The following MTUS2 variants were observed in gnomAD, a reference collection of about 807,000 sequenced individuals.
MTUS2 encodes microtubule associated scaffold protein 2.
In MTUS2, 40 loss-of-function variants were observed where a neutral mutation model predicts 114.1. The ratio of observed to expected loss-of-function variants is 0.35; its 90% CI spans 0.27 to 0.46. MTUS2 has a LOEUF of 0.46. Among genes scored for constraint, MTUS2 ranks in the 20% least tolerant of loss-of-function variants. The pLI, the probability that MTUS2 is intolerant of heterozygous loss-of-function variation, is 1.00. For missense variants in MTUS2, 1,679 were observed against 1,705.4 expected (o/e 0.98, Z 0.27); for synonymous variants, 688 against 672.0 (o/e 1.02, Z -0.37).
intron 8 of MTUS2, chr13:29,429,001 G>A (rs957640609): frequency 1.8e-6 from 2 of 1,135,470 alleles, no homozygotes; most frequent in African/African-American, 1.5e-5. Context: ...ATGCGTGTGC[G>A]CTTTGTTGGT....
chr13:29,366,226 A>G (rs534828592), intron 8 of MTUS2, among the ~76,000 whole-genome samples: 1 of 152,212 alleles, frequency 6.6e-6, no homozygotes, highest in Non-Finnish European at 1.5e-5. Context: ...AAGGCCTCAC[A>G]ATCATGGCAG....
At chr13:28,839,222 T>C (rs1250439147) in intron 1 of MTUS2, among the ~76,000 whole-genome samples, 2 of 152,184 alleles carry the variant, frequency 1.3e-5, no homozygotes, top group African/African-American at 2.4e-5. Context: ...ATTTTTTGAA[T>C]TGAAATTTTC....
At chr13:28,851,870 G>GGT (rs1876298982) in intron 2 of MTUS2, among the ~76,000 whole-genome samples, 1 of 152,254 alleles carries the variant, frequency 6.6e-6, no homozygotes, top group South Asian at 2.1e-4. Context: ...TGGCATTGTA[G>GGT]GTGTGTGCTG....
intron 8 of MTUS2, among the ~76,000 whole-genome samples, chr13:29,434,427 A>G (rs1160555409): frequency 6.6e-6 from 1 of 152,190 alleles, no homozygotes; most frequent in Non-Finnish European, 1.5e-5. Flanking sequence ...GTAATTGTTC[A>G]TCCATTTACT....
At chr13:29,387,765 G>A (rs760895116) in intron 8 of MTUS2, among the ~76,000 whole-genome samples, 15 of 152,148 alleles carry the variant, frequency 9.9e-5, no homozygotes, top group Non-Finnish European at 2.1e-4. Flanking sequence ...GGGAGACCTT[G>A]GCTTCAGATT....
chr13:28,990,992 C>T (rs1251737250), intron 2 of MTUS2, among the ~76,000 whole-genome samples: 2 of 152,104 alleles, frequency 1.3e-5, no homozygotes, highest in Non-Finnish European at 2.9e-5. Context: ...TTGAAGTCAG[C>T]GAGACCAACA....
intron 4 of MTUS2, among the ~76,000 whole-genome samples, chr13:29,071,224 A>C (rs1248532275): frequency 6.8e-6 from 1 of 147,164 alleles, no homozygotes; most frequent in Non-Finnish European, 1.5e-5. Context: ...CTGGTCTCCA[A>C]CTCCTGACCT....
intron 4 of MTUS2, among the ~76,000 whole-genome samples, chr13:29,074,936 G>A (rs1205204022): frequency 6.6e-6 from 1 of 152,038 alleles, no homozygotes; most frequent in African/African-American, 2.4e-5. Flanking sequence ...ACAGAGTTGT[G>A]CAACCATCAC....
At chr13:29,500,778 C>T (rs961093284) in intron 14 of MTUS2, among the ~76,000 whole-genome samples, 7 of 144,398 alleles carry the variant, frequency 4.8e-5, no homozygotes, top group African/African-American at 1.8e-4. Context: ...ATAAGAAATA[C>T]ATTTTACATC....
chr13:28,835,251 C>T (rs1874993651), intron 1 of MTUS2, among the ~76,000 whole-genome samples: 1 of 152,100 alleles, frequency 6.6e-6, no homozygotes, highest in Non-Finnish European at 1.5e-5. Context: ...TGGAAACAAT[C>T]CAAATGTCCA....
At chr13:29,454,371 T>C (rs998229561) in intron 9 of MTUS2, among the ~76,000 whole-genome samples, 1 of 152,230 alleles carries the variant, frequency 6.6e-6, no homozygotes, top group Non-Finnish European at 1.5e-5. Context: ...CCTTAGTGGA[T>C]TCCCTGTGGT....
rs146850808 is a variant in MTUS2, at chr13:29,119,662, C to A, written c.2644+18692C>A. Among the ~76,000 whole-genome samples the A allele has an allele frequency of 2.0e-5, 3 of 152,266 alleles. No homozygotes were observed. In the East Asian group the frequency reaches 5.8e-4, roughly 29 times the overall value. ...GAGTACTGAGGGCAGGAGAAGATCC[C>A]TGTTCTAGTTCAAGTAGTCAGGGAA... On this transcript the variant is annotated intron_variant, in intron 5 of 15. Coordinates refer to ENST00000612955, the MANE Select transcript of MTUS2 (RefSeq NM_001033602.4).
At chr13:28,878,222 T>C (rs1878066185) in intron 2 of MTUS2, among the ~76,000 whole-genome samples, 1 of 150,158 alleles carries the variant, frequency 6.7e-6, no homozygotes, top group African/African-American at 2.5e-5. Context: ...TATATATATG[T>C]GTGTGTGTGT....
intron 5 of MTUS2, among the ~76,000 whole-genome samples, chr13:29,180,945 A>G (rs1893976872): frequency 6.6e-6 from 1 of 152,240 alleles, no homozygotes; most frequent in Admixed American, 6.5e-5. Flanking sequence ...AAACAACTGT[A>G]TGTCCATTTG....
chr13:29,139,637 T>C (rs1209483214), intron 5 of MTUS2, among the ~76,000 whole-genome samples: 1 of 152,148 alleles, frequency 6.6e-6, no homozygotes, highest in Non-Finnish European at 1.5e-5. Context: ...CACTCTACGG[T>C]TTGGTCTTTG....
intron 4 of MTUS2, among the ~76,000 whole-genome samples, chr13:29,093,977 A>G (rs889747225): frequency 2.0e-5 from 3 of 152,182 alleles, no homozygotes; most frequent in Admixed American, 6.5e-5. Context: ...AGAAGATCAT[A>G]TGGTTTTTCT....
At chr13:29,374,058 C>T (rs1871392293) in intron 8 of MTUS2, among the ~76,000 whole-genome samples, 1 of 151,902 alleles carries the variant, frequency 6.6e-6, no homozygotes, top group Admixed American at 6.6e-5. Context: ...AATTTTAGAG[C>T]TAAAAAATAC....
chr13:29,288,155 A>G (rs1898566765), intron 6 of MTUS2, among the ~76,000 whole-genome samples: 1 of 152,258 alleles, frequency 6.6e-6, no homozygotes, highest in African/African-American at 2.4e-5. Context: ...CAGCTGGAAT[A>G]AGCCAAGAGC....
rs1873242757 is a variant in MTUS2, at chr13:29,389,931, ATATATGTATGTATATG to A, written c.3117+30460_3117+30475del. ...TGTGTATATATGTATGTATATGTGT[ATATATGTATGTATATG>A]TGTATGTGTATATATCTGTGTATAT... On this transcript the variant is annotated intron_variant, in intron 8 of 15. Coordinates refer to ENST00000612955, the MANE Select transcript of MTUS2 (RefSeq NM_001033602.4). 1.5e-5 allele frequency among the ~76,000 whole-genome samples: 2 copies of A among 137,708 alleles called. 1 individual carries two copies. Among genetic ancestry groups the A allele is most frequent in the African/African-American group, 5.7e-5 (2 of 35,086 alleles). 90.3% of individuals were successfully genotyped at this position (137,708 alleles called of 152,430 possible).
Sources: allele counts gnomAD v4.1 joint callset (sites outside exome capture counted in the v4.1 genomes callset), GRCh38; gene constraint gnomAD v4.1.1; transcripts MANE v1.5; gene names NCBI Gene and HGNC (gene_info 2026-07-23, HGNC 2026-07-21).